Variants in NALF1 observed in about 807,000 individuals in gnomAD.
NALF1 encodes family with sequence similarity 155 member A.
NALF1 carries 3 observed loss-of-function variants against 48.4 expected under a neutral mutation model. That is an observed-to-expected ratio of 0.06 (90% CI 0.03 to 0.16). NALF1 has a LOEUF of 0.16. Ranked by LOEUF, NALF1 falls within the 10% of genes least tolerant of loss-of-function variation. The pLI is 1.00. For missense variants in NALF1, 526 were observed against 571.5 expected (o/e 0.92, Z 0.81); for synonymous variants, 262 against 245.7 (o/e 1.07, Z -0.62).
chr13:107,419,817 C>A (rs1178864263), intron 1 of NALF1, among the ~76,000 whole-genome samples: 1 of 152,106 alleles, frequency 6.6e-6, no homozygotes, highest in East Asian at 1.9e-4. Context: ...TCTGACAGTG[C>A]AAAATAGTTT....
chr13:107,325,118 A>T (rs1882326893), intron 1 of NALF1, among the ~76,000 whole-genome samples: 1 of 152,222 alleles, frequency 6.6e-6, no homozygotes. Context: ...CTCAGTTAAC[A>T]TATGATTTAT....
At chr13:107,738,433 C>T (rs1039068867) in intron 1 of NALF1, among the ~76,000 whole-genome samples, 6 of 152,112 alleles carry the variant, frequency 3.9e-5, no homozygotes, top group African/African-American at 1.4e-4. Context: ...CTGGACTTCA[C>T]AAAATAACCC....
intron 2 of NALF1, among the ~76,000 whole-genome samples, chr13:107,175,140 C>T (rs1878899143): frequency 1.3e-5 from 2 of 150,370 alleles, no homozygotes; most frequent in Admixed American, 6.6e-5. Flanking sequence ...CTGCCCGCCT[C>T]GGCCTCCCAA....
intron 1 of NALF1, among the ~76,000 whole-genome samples, chr13:107,293,843 C>A (rs886261595): frequency 2.6e-5 from 4 of 152,160 alleles, no homozygotes; most frequent in Non-Finnish European, 4.4e-5. Flanking sequence ...TATAAGGCAT[C>A]TTTCAAGAAA....
chr13:107,683,253 T>C (rs1016965279), intron 1 of NALF1, among the ~76,000 whole-genome samples: 3 of 152,136 alleles, frequency 2.0e-5, no homozygotes, highest in African/African-American at 7.2e-5. Context: ...GTCTCAAATA[T>C]AAATACATAA....
chr13:107,412,575 C>T (rs1276441417), intron 1 of NALF1, among the ~76,000 whole-genome samples: 3 of 152,146 alleles, frequency 2.0e-5, no homozygotes, highest in Admixed American at 1.3e-4. Flanking sequence ...TAGTAAATTG[C>T]TTGCTATATT....
intron 1 of NALF1, among the ~76,000 whole-genome samples, chr13:107,341,708 A>G (rs535411084): frequency 1.3e-5 from 2 of 151,458 alleles, no homozygotes; most frequent in African/African-American, 4.8e-5. Flanking sequence ...TACATTATAT[A>G]TAGTATATAT....
At chr13:107,539,115 A>C (rs1407486318) in intron 1 of NALF1, among the ~76,000 whole-genome samples, 1 of 151,916 alleles carries the variant, frequency 6.6e-6, no homozygotes, top group Non-Finnish European at 1.5e-5. Context: ...AGGCTGTGGT[A>C]GGCTATTTTC....
At position 107,528,159 on chromosome 13, in the gene NALF1, C is replaced by A. The variant is rs1403203966; in HGVS notation, c.916-317404G>T. On this transcript the variant is annotated intron_variant, in intron 1 of 2. Coordinates refer to ENST00000375915, the MANE Select transcript of NALF1 (RefSeq NM_001080396.3). Reference sequence around the variant, plus strand: ...AAATGGTCTCTGCAATTAATCTGGACAGTAATACCATAATCTGCATGTTGG... The same window carrying A: ...AAATGGTCTCTGCAATTAATCTGGAAAGTAATACCATAATCTGCATGTTGG... 2.6e-5 allele frequency among the ~76,000 whole-genome samples: 4 copies of A among 151,824 alleles called. 1 individual carries two copies. The highest frequency in any genetic ancestry group is 2.0e-4 in the Admixed American group (3 of 15,210).
intron 1 of NALF1, among the ~76,000 whole-genome samples, chr13:107,265,678 T>A (rs945323852): frequency 6.6e-6 from 1 of 152,054 alleles, no homozygotes; most frequent in Admixed American, 6.5e-5. Flanking sequence ...AGTGCTGGGA[T>A]CACAGCCATG....
At chr13:107,424,899 G>C (rs770628023) in intron 1 of NALF1, among the ~76,000 whole-genome samples, 2 of 152,098 alleles carry the variant, frequency 1.3e-5, no homozygotes, top group Non-Finnish European at 2.9e-5. Flanking sequence ...ACTTTACTTG[G>C]TATACTTGTC....
chr13:107,525,704 G>T (rs151112612), intron 1 of NALF1, among the ~76,000 whole-genome samples: 1 of 151,930 alleles, frequency 6.6e-6, no homozygotes, highest in Non-Finnish European at 1.5e-5. Flanking sequence ...TTTTTCCAAC[G>T]TGGCTCTACT....
intron 1 of NALF1, among the ~76,000 whole-genome samples, chr13:107,841,413 G>A (rs999822969): frequency 6.6e-6 from 1 of 152,076 alleles, no homozygotes; most frequent in Admixed American, 6.6e-5. Flanking sequence ...ATGACATGAA[G>A]AAGTGCTCTT....
intron 1 of NALF1, among the ~76,000 whole-genome samples, chr13:107,459,677 T>C (rs1884885585): frequency 6.6e-6 from 1 of 152,084 alleles, no homozygotes; most frequent in African/African-American, 2.4e-5. Flanking sequence ...GGAGCGAAAG[T>C]AAGTAAAAAT....
At chr13:107,303,374 T>C (rs1881875106) in intron 1 of NALF1, among the ~76,000 whole-genome samples, 1 of 152,212 alleles carries the variant, frequency 6.6e-6, no homozygotes, top group African/African-American at 2.4e-5. Context: ...ACAATGTATG[T>C]TTTATTTACT....
At chr13:107,647,265 G>A (rs995851659) in intron 1 of NALF1, among the ~76,000 whole-genome samples, 1 of 151,962 alleles carries the variant, frequency 6.6e-6, no homozygotes, top group Non-Finnish European at 1.5e-5. Context: ...ACAAGAACAT[G>A]AATAAATCCT....
chr13:107,830,954 A>G (rs60461896), intron 1 of NALF1, among the ~76,000 whole-genome samples: 12,315 of 152,340 alleles, frequency 0.081, 603 homozygotes, highest in East Asian at 0.15. Context: ...TGGGGGAAAT[A>G]GGATGTTCCG....
intron 2 of NALF1, among the ~76,000 whole-genome samples, chr13:107,190,641 G>C (rs951930083): frequency 1.3e-5 from 2 of 152,138 alleles, no homozygotes. Context: ...AAATGTATTA[G>C]AAAATGTTAT....
intron 1 of NALF1, among the ~76,000 whole-genome samples, chr13:107,618,747 G>A (rs1041552261): frequency 1.3e-5 from 2 of 152,166 alleles, no homozygotes; most frequent in African/African-American, 2.4e-5. Context: ...CACTTGTTAG[G>A]TGGCAGTGTC....
Sources: allele counts gnomAD v4.1 joint callset (sites outside exome capture counted in the v4.1 genomes callset), GRCh38; gene constraint gnomAD v4.1.1; transcripts MANE v1.5; gene names NCBI Gene and HGNC (gene_info 2026-07-23, HGNC 2026-07-21).